The following PDGFC variants were observed in gnomAD, a reference collection of about 807,000 sequenced individuals.
PDGFC encodes the protein platelet derived growth factor C.
A neutral mutation model predicts 35.5 loss-of-function variants in PDGFC; 12 were observed. The observed-to-expected ratio is 0.34, with a 90% confidence interval of 0.22 to 0.55. The LOEUF is 0.55. Ranked by LOEUF, PDGFC falls within the 20% of genes least tolerant of loss-of-function variation. PDGFC has a pLI of 0.91. For synonymous variants in PDGFC, 159 were observed against 148.8 expected, an observed-to-expected ratio of 1.07 and a Z score of -0.50; for missense variants, 322 against 412.4, an observed-to-expected ratio of 0.78 and a Z score of 1.90.
chr4:156,853,618 A>G (rs974267900), intron 1 of PDGFC, among the ~76,000 whole-genome samples: 2 of 152,148 alleles, frequency 1.3e-5, no homozygotes, highest in African/African-American at 4.8e-5. Context: ...AGAATACAGA[A>G]GGAACTATAA....
At chr4:156,964,833 T>C (rs1018405770) in intron 1 of PDGFC, among the ~76,000 whole-genome samples, 2 of 152,210 alleles carry the variant, frequency 1.3e-5, no homozygotes, top group South Asian at 4.1e-4. Context: ...ACTCTAACAT[T>C]CCTCATACCA....
At chr4:156,923,902 G>T (rs981461082) in intron 1 of PDGFC, among the ~76,000 whole-genome samples, 6 of 152,170 alleles carry the variant, frequency 3.9e-5, no homozygotes, top group African/African-American at 1.4e-4. Flanking sequence ...ATTGGGGTTT[G>T]GGGGAACAGA....
intron 1 of PDGFC, among the ~76,000 whole-genome samples, chr4:156,898,052 C>A (rs1366209003): frequency 6.6e-6 from 1 of 152,092 alleles, no homozygotes; most frequent in Non-Finnish European, 1.5e-5. Flanking sequence ...TATCTTGAGA[C>A]CTAATCCCCA....
At chr4:156,943,335 T>G (rs1218773494) in intron 1 of PDGFC, among the ~76,000 whole-genome samples, 1 of 152,044 alleles carries the variant, frequency 6.6e-6, no homozygotes, top group Admixed American at 6.6e-5. Flanking sequence ...CCATGGTACT[T>G]CTTCATAAAT....
intron 1 of PDGFC, among the ~76,000 whole-genome samples, chr4:156,851,936 A>AAAAAAAAAAC (rs2111087501): frequency 1.1e-5 from 1 of 89,382 alleles, no homozygotes; most frequent in Non-Finnish European, 2.2e-5. Context: ...ATCTCAAAAA[A>AAAAAAAAAAC]AAAAAAAAAA....
chr4:156,855,305 A>C (rs1245058003), intron 1 of PDGFC, among the ~76,000 whole-genome samples: 2 of 152,226 alleles, frequency 1.3e-5, no homozygotes, highest in Admixed American at 1.3e-4. Context: ...ATTATTAATA[A>C]AGATAACACT....
intron 3 of PDGFC, among the ~76,000 whole-genome samples, chr4:156,784,363 T>C (rs1731062451): frequency 6.6e-6 from 1 of 151,414 alleles, no homozygotes; most frequent in East Asian, 1.9e-4. Flanking sequence ...GAGAAGAGAG[T>C]TTTGAGGAGT....
chr4:156,890,492 A>G (rs1467321889), intron 1 of PDGFC, among the ~76,000 whole-genome samples: 1 of 152,022 alleles, frequency 6.6e-6, no homozygotes, highest in African/African-American at 2.4e-5. Flanking sequence ...CCACCCTTCC[A>G]TACTTAGACA....
At chr4:156,772,654 A>T in intron 4 of PDGFC, 32 bp downstream of exon 4, 1 of 1,430,838 alleles carries the variant, frequency 7.0e-7, no homozygotes, top group Non-Finnish European at 9.8e-7. Context: ...TAAGAAAATT[A>T]AATGAGGTTC....
In PDGFC at chr4:156,912,729, T is replaced by C. The variant is rs1305656162; in HGVS notation, c.118+58057A>G. Among the ~76,000 whole-genome samples, 5 of 152,014 alleles carry C rather than the reference T, an allele frequency of 3.3e-5. No homozygotes were observed. The East Asian group carries it at 7.7e-4, about 24-fold the overall frequency. On this transcript the variant is annotated intron_variant, in intron 1 of 5. Coordinates refer to ENST00000502773, the MANE Select transcript of PDGFC (RefSeq NM_016205.3). ...GGAGAAAATGGGAACACAAGAAATA[T>C]GTAAGTATACTTTAAATATTATATA...
intron 3 of PDGFC, among the ~76,000 whole-genome samples, chr4:156,781,409 G>A (rs1167333450): frequency 1.3e-5 from 2 of 152,120 alleles, no homozygotes; most frequent in African/African-American, 4.8e-5. Flanking sequence ...GGTCAATAGA[G>A]TATTAGTAAA....
intron 1 of PDGFC, among the ~76,000 whole-genome samples, chr4:156,899,407 T>C (rs902921325): frequency 6.6e-6 from 1 of 152,256 alleles, no homozygotes; most frequent in Non-Finnish European, 1.5e-5. Context: ...CTTACTGTCC[T>C]GCTGTTCTTG....
At position 156,764,151 on chromosome 4, in the gene PDGFC, G is replaced by A. The variant is rs113429623; in HGVS notation, c.922-945C>T. On this transcript the variant is annotated intron_variant, in intron 5 of 5. Coordinates refer to ENST00000502773, the MANE Select transcript of PDGFC (RefSeq NM_016205.3). ...TCTAGCATCTCTACTTTTTGGATAC[G>A]ACATAGATAACCTCATAAAGCCATT... Among the ~76,000 whole-genome samples the A allele has an allele frequency of 5.3e-3, 810 of 152,168 alleles. 11 individuals carry two copies. Among genetic ancestry groups the A allele is most frequent in the African/African-American group, 0.018 (736 of 41,516 alleles).
At chr4:156,767,688 C>G in intron 5 of PDGFC, 85 bp downstream of exon 5, 1 of 829,940 alleles carries the variant, frequency 1.2e-6, no homozygotes, top group Non-Finnish European at 2.0e-6. Flanking sequence ...GTCTTTTTTC[C>G]AAACATAAAC....
At chr4:156,969,254 G>C (rs1560895931) in intron 1 of PDGFC, among the ~76,000 whole-genome samples, 1 of 152,176 alleles carries the variant, frequency 6.6e-6, no homozygotes, top group East Asian at 1.9e-4. Flanking sequence ...AACAAAGGTT[G>C]GTCTGATGTG....
At chr4:156,836,629 T>A (rs1341905339) in intron 2 of PDGFC, among the ~76,000 whole-genome samples, 1 of 152,188 alleles carries the variant, frequency 6.6e-6, no homozygotes, top group African/African-American at 2.4e-5. Flanking sequence ...TTTCTTCTGC[T>A]GAAAATGAAG....
intron 3 of PDGFC, among the ~76,000 whole-genome samples, chr4:156,796,706 G>A (rs1731452651): frequency 6.6e-6 from 1 of 151,936 alleles, no homozygotes; most frequent in Non-Finnish European, 1.5e-5. Flanking sequence ...AAATGGTGAT[G>A]ATTTAGCATA....
intron 2 of PDGFC, among the ~76,000 whole-genome samples, chr4:156,844,116 A>C (rs925768008): frequency 6.6e-6 from 1 of 152,210 alleles, no homozygotes; most frequent in African/African-American, 2.4e-5. Flanking sequence ...TTCACTATTA[A>C]ATCTGTCAAT....
At chr4:156,793,660 A>T (rs868780549) in intron 3 of PDGFC, among the ~76,000 whole-genome samples, 7 of 151,056 alleles carry the variant, frequency 4.6e-5, no homozygotes, top group Admixed American at 2.0e-4. Context: ...TTTAAATACC[A>T]ATCAGGGGGG....
Sources: gnomAD v4.1 joint callset for allele counts (sites outside exome capture counted in the v4.1 genomes callset) on GRCh38, gnomAD v4.1.1 for gene constraint, MANE v1.5 for transcripts, NCBI Gene and HGNC (gene_info 2026-07-23, HGNC 2026-07-21) for gene names.